Variants in ZBTB7C observed in about 807,000 individuals in gnomAD.
ZBTB7C encodes the protein zinc finger and BTB domain-containing protein 7C.
In ZBTB7C, 8 loss-of-function variants were observed where a neutral mutation model predicts 25.7. The ratio of observed to expected loss-of-function variants is 0.31; its 90% confidence interval spans 0.18 to 0.56. The LOEUF (loss-of-function observed/expected upper bound fraction) is 0.56. Ranked by LOEUF, ZBTB7C falls within the 20% of genes least tolerant of loss-of-function variation. The probability of loss-of-function intolerance (pLI) is 0.91; values close to 1 mark genes in which losing one functional copy is unlikely to be tolerated. For synonymous variants in ZBTB7C, 394 were observed against 369.0 expected (o/e 1.07, Z -0.78); for missense variants, 824 against 855.2 (o/e 0.96, Z 0.46).
Position 48,124,140 on chromosome 18 carries a change from A to G in ZBTB7C, c.-17+61794T>C, listed in dbSNP as rs112086511. Among the ~76,000 whole-genome samples the G allele has an allele frequency of 1.0e-2, 1,521 of 152,344 alleles. 24 individuals carry two copies. Among genetic ancestry groups the G allele is most frequent in the African/African-American group, 0.035 (1,467 of 41,582 alleles). On this transcript the variant is annotated intron_variant, in intron 3 of 4. Transcript: ENST00000590800. ...GGCAGGCTGGGCCCCTTTAATTGGC[A>G]TCAGTTACTTTGGGGCATGGTGACC... is the stretch of plus-strand genomic sequence containing the variant.
At chr18:48,391,709 G>T (rs945280811) in intron 1 of ZBTB7C, among the ~76,000 whole-genome samples, 1 of 152,146 alleles carries the variant, frequency 6.6e-6, no homozygotes, top group Non-Finnish European at 1.5e-5. Context: ...AACTACACGT[G>T]GTTGGGTCCA....
At chr18:48,396,251 A>G (rs1282219091) in intron 1 of ZBTB7C, among the ~76,000 whole-genome samples, 3 of 152,210 alleles carry the variant, frequency 2.0e-5, no homozygotes, top group African/African-American at 4.8e-5. Flanking sequence ...CCAGCTGATG[A>G]GCAAGATTTC....
chr18:48,264,748 G>A (rs949457418), intron 2 of ZBTB7C, among the ~76,000 whole-genome samples: 4 of 152,146 alleles, frequency 2.6e-5, no homozygotes, highest in Non-Finnish European at 5.9e-5. Flanking sequence ...ATGTTCATGT[G>A]GTGGACACTC....
intron 2 of ZBTB7C, among the ~76,000 whole-genome samples, chr18:48,308,047 C>A (rs927314309): frequency 6.6e-6 from 1 of 152,154 alleles, no homozygotes; most frequent in Non-Finnish European, 1.5e-5. Context: ...TATCCCTTTT[C>A]TAAGTTGGAC....
intron 2 of ZBTB7C, among the ~76,000 whole-genome samples, chr18:48,267,969 G>A (rs2044360702): frequency 6.6e-6 from 1 of 152,132 alleles, no homozygotes; most frequent in African/African-American, 2.4e-5. Flanking sequence ...AAGACAAAAG[G>A]CCTTGTAGAT....
chr18:48,184,279 C>G (rs1206595894), intron 3 of ZBTB7C, among the ~76,000 whole-genome samples: 1 of 152,158 alleles, frequency 6.6e-6, no homozygotes, highest in African/African-American at 2.4e-5. Flanking sequence ...CTCTTCTTCC[C>G]CAGGATGAAT....
At chr18:48,060,678 ACCT>A (rs2037094990) in intron 3 of ZBTB7C, among the ~76,000 whole-genome samples, 1 of 151,868 alleles carries the variant, frequency 6.6e-6, no homozygotes, top group Non-Finnish European at 1.5e-5. Context: ...CCCAGGTGTC[ACCT>A]CCTCCAGGAA....
chr18:48,029,624 G>C lies in ZBTB7C; in HGVS notation c.1496C>G (p.Ala499Gly), dbSNP rs1255647216. ...ASLLFGPGGPAPDKAAFVMPP... is the reference protein window; with the variant it reads ...ASLLFGPGGPGPDKAAFVMPP... ...CATCACGAAGGCCGCCTTGTCGGGG[G>C]CCGGGCCGCCGGGCCCGAAGAGCAG... The change falls in exon 5 of 5, where the codon GCC (alanine) becomes GGC (glycine). Residue 499 changes from alanine to glycine, a missense_variant. Coordinates refer to ENST00000590800, the MANE Select transcript of ZBTB7C (RefSeq NM_001318841.2). 6.0e-6 allele frequency: 9 copies of C among 1,496,404 alleles called. No homozygotes were observed. The highest frequency in any genetic ancestry group is 7.9e-6 in the Non-Finnish European group (9 of 1,132,980). 92.7% of individuals were successfully genotyped at this position (1,496,404 alleles called of 1,614,324 possible).
chr18:48,185,670 CA>C (rs1322750843), intron 3 of ZBTB7C, among the ~76,000 whole-genome samples: 4 of 152,158 alleles, frequency 2.6e-5, no homozygotes, highest in African/African-American at 9.7e-5. Context: ...TCCCGCACAG[CA>C]ATCGAGTCAA....
intron 1 of ZBTB7C, among the ~76,000 whole-genome samples, chr18:48,382,151 T>C (rs992506018): frequency 1.3e-5 from 2 of 152,180 alleles, no homozygotes; most frequent in African/African-American, 4.8e-5. Context: ...AGGAAGCCAA[T>C]ACTAGTGGGA....
chr18:48,382,452 T>C (rs2047654196), intron 1 of ZBTB7C, among the ~76,000 whole-genome samples: 1 of 152,256 alleles, frequency 6.6e-6, no homozygotes, highest in Non-Finnish European at 1.5e-5. Flanking sequence ...TATATAAATC[T>C]CTTTAATGTA....
At chr18:48,303,547 T>C (rs769528922) in intron 2 of ZBTB7C, among the ~76,000 whole-genome samples, 42 of 152,310 alleles carry the variant, frequency 2.8e-4, no homozygotes, top group Non-Finnish European at 5.1e-4. Flanking sequence ...CCACAAAAGA[T>C]GAGGCTTTGA....
rs1264482605 is a variant in ZBTB7C at position 48,409,247 on chromosome 18, C to G, written c.-325G>C. ...TCACCTCCGCGCGCCGCCGGCCCTG[C>G]GCGCCTCCCGCACTTGGCTCCGGGA... On this transcript the variant is annotated 5_prime_UTR_variant, in exon 1 of 5. Coordinates refer to ENST00000590800, the MANE Select transcript of ZBTB7C (RefSeq NM_001318841.2). 6.7e-6 allele frequency: 1 copy of G among 149,334 alleles called. No individual in the cohort carries two copies. The allele number at this position is 149,334 out of a possible 1,614,324, so 9.3% of individuals were successfully genotyped here. A position where few individuals can be genotyped will look rare whatever the true frequency, so the allele number is the denominator to read the frequency against.
In ZBTB7C at chr18:48,053,875, A is replaced by C. The variant is rs548861023; in HGVS notation, c.-16-12752T>G. ...AGAGGACGGGGACTCTGCTGGGCCC[A>C]GGAAGGGGACTCCTCCAAGGAGGTG... is the stretch of plus-strand genomic sequence containing the variant. On this transcript the variant is annotated intron_variant, in intron 3 of 4. Transcript: ENST00000590800. 1.1e-4 allele frequency among the ~76,000 whole-genome samples: 17 copies of C among 152,326 alleles called. No individual in the cohort carries two copies. The South Asian group carries it at 2.1e-3, about 19-fold the overall frequency.
intron 2 of ZBTB7C, among the ~76,000 whole-genome samples, chr18:48,265,598 G>T (rs1177829861): frequency 6.6e-6 from 1 of 152,166 alleles, no homozygotes; most frequent in Non-Finnish European, 1.5e-5. Context: ...TGCAATAAAA[G>T]AGCCCAGTTT....
intron 2 of ZBTB7C, among the ~76,000 whole-genome samples, chr18:48,195,859 A>G (rs1054890009): frequency 1.2e-4 from 18 of 152,158 alleles, no homozygotes; most frequent in African/African-American, 4.3e-4. Context: ...GTTTTCATAG[A>G]AATATTTTCT....
At chr18:48,305,562 G>A (rs1199872444) in intron 2 of ZBTB7C, among the ~76,000 whole-genome samples, 1 of 152,150 alleles carries the variant, frequency 6.6e-6, no homozygotes, top group African/African-American at 2.4e-5. Context: ...ACCCCTCCTG[G>A]GTGCTATAGA....
intron 3 of ZBTB7C, among the ~76,000 whole-genome samples, chr18:48,045,005 A>G (rs1276344097): frequency 6.6e-6 from 1 of 152,264 alleles, no homozygotes; most frequent in Non-Finnish European, 1.5e-5. Context: ...ACCACAGCCA[A>G]TTGCAGCTCC....
intron 1 of ZBTB7C, among the ~76,000 whole-genome samples, chr18:48,391,453 G>C (rs1257034503): frequency 6.6e-6 from 1 of 152,202 alleles, no homozygotes; most frequent in African/African-American, 2.4e-5. Context: ...TTTCTTTCAT[G>C]CTCTGAGTGG....
Sources: allele counts gnomAD v4.1 joint callset (sites outside exome capture counted in the v4.1 genomes callset), GRCh38; gene constraint gnomAD v4.1.1; transcripts MANE v1.5; gene names NCBI Gene and HGNC (gene_info 2026-07-23, HGNC 2026-07-21).